The following CMYA5 variants were observed in gnomAD, a reference collection of about 807,000 sequenced individuals.
CMYA5 encodes the protein cardiomyopathy associated 5.
A neutral mutation model predicts 318.9 loss-of-function variants in CMYA5; 246 were observed. The observed-to-expected ratio is 0.77, with a 90% CI of 0.70 to 0.86. The LOEUF (loss-of-function observed/expected upper bound fraction) is 0.86. Ranked by LOEUF, CMYA5 falls within the 40% of genes least tolerant of loss-of-function variation. The pLI is 0.00. For missense variants in CMYA5, 4,589 were observed against 4,678.2 expected, an observed-to-expected ratio of 0.98 and a Z score of 0.56; for synonymous variants, 1,641 against 1,729.5, an observed-to-expected ratio of 0.95 and a Z score of 1.27.
chr5:79,799,470 T>G lies in CMYA5; in HGVS notation c.12064T>G (p.Phe4022Val). ...LLDYNNQRLI[F>V]INAESEQLLF... ...GGACTACAACAACCAGAGACTTATC[T>G]TCATCAACGCAGAGAGCGAGCAGTT... is the stretch of plus-strand genomic sequence containing the variant. Residue 4022 changes from phenylalanine (F) to valine (V), a missense_variant, in exon 13 of 13, where the codon TTC becomes GTC. By Grantham distance (50) the Phe-to-Val change is conservative. Around this residue, in one of 3 missense-constraint regions of CMYA5, gnomAD observed 2,431 missense variants for 2,495.1 expected, o/e 0.97. Coordinates refer to ENST00000446378, the MANE Select transcript of CMYA5 (RefSeq NM_153610.5). 1 of 1,614,024 alleles carries G rather than the reference T, an allele frequency of 6.2e-7. No homozygotes were observed. The highest frequency in any genetic ancestry group is 8.5e-7 in the Non-Finnish European group (1 of 1,179,900).
intron 1 of CMYA5, 50 bp from the exon 2 acceptor site, chr5:79,728,865 A>C (rs1827803148): frequency 1.2e-6 from 1 of 827,122 alleles, no homozygotes; most frequent in African/African-American, 1.9e-5. Context: ...TCTATTAATT[A>C]GTATTATTTT....
At chr5:79,728,773 C>G (rs1266044023) in intron 1 of CMYA5, 142 bp from the exon 2 acceptor site, 1 of 351,242 alleles carries the variant, frequency 2.8e-6, no homozygotes, top group African/African-American at 2.2e-5. Flanking sequence ...ATACATCCCT[C>G]TTTTTGACAT....
rs1827930759 is a variant in CMYA5 at position 79,732,297 on chromosome 5, C to T, written c.3532C>T (p.Pro1178Ser). 6.2e-7 allele frequency: 1 copy of T among 1,613,646 alleles called. No homozygotes were observed. The highest frequency in any genetic ancestry group is 8.5e-7 in the Non-Finnish European group (1 of 1,179,836). ...ACATTCAGTTTTACCTGATTCAGTC[C>T]CTGCAATCAAGAAAGAACAGGAACC... Reference protein sequence around the residue: ...SPHSVLPDSVPAIKKEQEPTA... With the variant: ...SPHSVLPDSVSAIKKEQEPTA... The change falls in exon 2 of 13, where the codon CCT becomes TCT. Residue 1178 changes from proline (P) to serine (S), a missense_variant. Around this residue, in one of 3 missense-constraint regions of CMYA5, gnomAD observed 2,132 missense variants for 2,131.3 expected, o/e 1.00. Coordinates refer to ENST00000446378, the MANE Select transcript of CMYA5 (RefSeq NM_153610.5).
intron 3 of CMYA5, among the ~76,000 whole-genome samples, chr5:79,744,432 T>C (rs1449201556): frequency 6.6e-6 from 1 of 152,172 alleles, no homozygotes; most frequent in African/African-American, 2.4e-5. Flanking sequence ...TTATCCCTTC[T>C]GCAGGGAAGA....
chr5:79,771,104 A>G (rs1032646203), intron 9 of CMYA5, among the ~76,000 whole-genome samples: 38 of 151,798 alleles, frequency 2.5e-4, no homozygotes, highest in African/African-American at 8.0e-4. Context: ...TTTATTGAGC[A>G]TTTACTATGT....
At chr5:79,744,381 G>A (rs1363915689) in intron 3 of CMYA5, among the ~76,000 whole-genome samples, 1 of 152,132 alleles carries the variant, frequency 6.6e-6, no homozygotes, top group Non-Finnish European at 1.5e-5. Flanking sequence ...CTCATAGCAC[G>A]ACTATCTCTG....
chr5:79,694,057 G>A (rs1827022828), intron 1 of CMYA5, among the ~76,000 whole-genome samples: 1 of 152,184 alleles, frequency 6.6e-6, no homozygotes, highest in Non-Finnish European at 1.5e-5. Context: ...AGGAACGCAA[G>A]TTGGTCAGGA....
intron 1 of CMYA5, among the ~76,000 whole-genome samples, chr5:79,709,257 G>T (rs879543681): frequency 6.6e-6 from 1 of 152,024 alleles, no homozygotes; most frequent in Non-Finnish European, 1.5e-5. Context: ...TTGCTTTTGA[G>T]TCTCAAATTC....
chr5:79,788,251 A>G (rs1362972627), intron 9 of CMYA5, among the ~76,000 whole-genome samples: 1 of 150,450 alleles, frequency 6.6e-6, no homozygotes, highest in East Asian at 1.9e-4. Flanking sequence ...CTAGGCTATG[A>G]TATCAAACAG....
At position 79,730,470 on chromosome 5, in the gene CMYA5, GCAT is replaced by G. The variant is rs1827865148; in HGVS notation, c.1710_1712del (p.Ser571del). Reference sequence around the variant, plus strand: ...AGAGCTTATTCTACCATTATTGGCAGCATCATCTCCTGAACATGTTGCTTTGTC... The same window carrying G: ...AGAGCTTATTCTACCATTATTGGCAGCATCTCCTGAACATGTTGCTTTGTC... On this transcript the variant is annotated inframe_deletion, in exon 2 of 13. Transcript: ENST00000446378. 1.9e-6 allele frequency: 3 copies of G among 1,613,760 alleles called. No homozygotes were observed. The Admixed American group carries it at 5.0e-5, about 27-fold the overall frequency.
rs139376522 is a variant in CMYA5, at chr5:79,737,272, T to A, written c.8507T>A (p.Met2836Lys). Residue 2836 changes from methionine to lysine, a missense_variant, in exon 2 of 13, where the codon ATG becomes AAG. Transcript: ENST00000446378. ...ATTAACGCAGTGAAGAAAAAAGAAA[T>A]GCCACGATCAGAATTGACTCCAGAA... is the stretch of plus-strand genomic sequence containing the variant. Reference protein sequence around the residue: ...PEINAVKKKEMPRSELTPERH... With the variant: ...PEINAVKKKEKPRSELTPERH... 6.2e-7 allele frequency: 1 copy of A among 1,613,774 alleles called. No individual in the cohort carries two copies. The highest frequency in any genetic ancestry group is 1.3e-5 in the African/African-American group (1 of 75,008).
Position 79,733,062 on chromosome 5 carries a change from C to A in CMYA5, c.4297C>A (p.His1433Asn), listed in dbSNP as rs1383875891. 6.2e-7 allele frequency: 1 copy of A among 1,613,526 alleles called. No individual in the cohort carries two copies. Among genetic ancestry groups the A allele is most frequent in the Non-Finnish European group, 8.5e-7 (1 of 1,179,710 alleles). ...GASPIETSSKHLAWSEAEKEI... is the reference protein window; with the variant it reads ...GASPIETSSKNLAWSEAEKEI... The stretch of plus-strand genomic sequence containing the variant: ...TTCTCCCATTGAAACTTCATCCAAA[C>A]ATTTAGCTTGGTCAGAAGCAGAGAA... The change falls in exon 2 of 13, where the codon CAT (histidine) becomes AAT (asparagine). Residue 1433 changes from histidine (H) to asparagine (N), a missense_variant. Around this residue, in one of 3 missense-constraint regions of CMYA5, gnomAD observed 2,132 missense variants for 2,131.3 expected, o/e 1.00. Transcript: ENST00000446378.
In CMYA5 at chr5:79,732,258, A is replaced by G. The variant is rs368049019; in HGVS notation, c.3493A>G (p.Lys1165Glu). Reference sequence around the variant, plus strand: ...ATCATCTATAGTAAAGGAAGAAACCAAACCTGCATCTCCACATTCAGTTTT... The same window carrying G: ...ATCATCTATAGTAAAGGAAGAAACCGAACCTGCATCTCCACATTCAGTTTT... ...AQSSIVKEETKPASPHSVLPD... is the reference protein window; with the variant it reads ...AQSSIVKEETEPASPHSVLPD... Residue 1165 changes from lysine (K) to glutamate (E), a missense_variant, in exon 2 of 13, where the codon AAA becomes GAA. Lys to Glu is a moderately conservative substitution (Grantham distance 56). Around this residue, in one of 3 missense-constraint regions of CMYA5, gnomAD observed 2,132 missense variants for 2,131.3 expected, o/e 1.00. Coordinates refer to ENST00000446378, the MANE Select transcript of CMYA5 (RefSeq NM_153610.5). The G allele has an allele frequency of 1.2e-6, 2 of 1,613,934 alleles. No individual in the cohort carries two copies. Among genetic ancestry groups the G allele is most frequent in the Admixed American group, 1.7e-5 (1 of 59,992 alleles).
Position 79,698,248 on chromosome 5 carries a change from C to G in CMYA5, c.149+8192C>G, listed in dbSNP as rs146271161. Among the ~76,000 whole-genome samples the G allele has an allele frequency of 1.2e-3, 179 of 152,142 alleles. 3 individuals carry two copies. The highest frequency in any genetic ancestry group is 4.1e-3 in the African/African-American group (170 of 41,474). The stretch of plus-strand genomic sequence containing the variant: ...AGCTCCAAGAAGAGCTTCAATAAAT[C>G]CCCTAGTCATCCATCACCATTTTGG... On this transcript the variant is annotated intron_variant, in intron 1 of 12. Coordinates refer to ENST00000446378, the MANE Select transcript of CMYA5 (RefSeq NM_153610.5).
intron 7 of CMYA5, among the ~76,000 whole-genome samples, chr5:79,760,222 C>A (rs1484433686): frequency 1.3e-5 from 2 of 151,882 alleles, no homozygotes; most frequent in Non-Finnish European, 1.5e-5. Flanking sequence ...TCACCCCCAC[C>A]CCAAACACTT....
intron 11 of CMYA5, 79 bp from the exon 12 acceptor site, chr5:79,793,356 TGA>T: frequency 7.4e-7 from 1 of 1,358,720 alleles, no homozygotes; most frequent in Non-Finnish European, 1.0e-6. Flanking sequence ...CTAAACTGTG[TGA>T]GTTTGTGAAT....
At chr5:79,722,420 T>C (rs879831608) in intron 1 of CMYA5, among the ~76,000 whole-genome samples, 3 of 152,172 alleles carry the variant, frequency 2.0e-5, no homozygotes, top group Non-Finnish European at 2.9e-5. Flanking sequence ...CTCATGCATG[T>C]AATCCCAGCA....
intron 1 of CMYA5, among the ~76,000 whole-genome samples, chr5:79,693,336 A>ATTTTTTTTTTTTTTT (rs11319092): frequency 7.4e-6 from 1 of 135,634 alleles, no homozygotes; most frequent in African/African-American, 2.8e-5. Flanking sequence ...AAGTCACACA[A>ATTTTTTTTTTTTTTT]TTTTTTTTTT....
rs1441772466 is a variant in CMYA5 at position 79,736,209 on chromosome 5, C to G, written c.7444C>G (p.Pro2482Ala). Residue 2482 changes from proline to alanine, a missense_variant, in exon 2 of 13, where the codon CCA becomes GCA. Transcript: ENST00000446378. ...VLAEKQNSVA[P>A]LELRDSNEIG... is the part of the protein sequence containing the mutation. ...GGCAGAAAAACAAAACTCTGTGGCC[C>G]CATTAGAGCTTAGAGATAGTAATGA... 6 of 1,613,468 alleles carry G rather than the reference C, an allele frequency of 3.7e-6. No homozygotes were observed. In the South Asian group the frequency reaches 6.6e-5, roughly 18 times the overall value.
Sources: gnomAD v4.1 joint callset for allele counts (sites outside exome capture counted in the v4.1 genomes callset) on GRCh38, gnomAD v4.1.1 for gene constraint, gnomAD v4.1.1 regional missense constraint, MANE v1.5 for transcripts, NCBI Gene and HGNC (gene_info 2026-07-23, HGNC 2026-07-21) for gene names.